PDK1: variants seen among roughly 807,000 people sequenced by gnomAD.
The protein encoded by PDK1 is [Pyruvate dehydrogenase (acetyl-transferring)] kinase isozyme 1, mitochondrial.
In PDK1, 39 loss-of-function variants were observed where a neutral mutation model predicts 54.2. The ratio of observed to expected loss-of-function variants is 0.72; its 90% CI spans 0.56 to 0.94. The LOEUF (loss-of-function observed/expected upper bound fraction) is 0.94, where lower values mean the gene tolerates loss of function less well. PDK1 is among the 40% of genes least tolerant of loss of function. PDK1 has a pLI of 0.00. For synonymous variants in PDK1, 221 were observed against 207.1 expected, an observed-to-expected ratio of 1.07 and a Z score of -0.58; for missense variants, 552 against 566.0, an observed-to-expected ratio of 0.98 and a Z score of 0.25.
the PDK1 span, among the ~76,000 whole-genome samples, chr2:172,661,803 A>G: frequency 5.3e-5 from 8 of 152,184 alleles, no homozygotes; most frequent in Non-Finnish European, 1.0e-4. Flanking sequence ...GACTATGAGA[A>G]GGGAGAGAGA....
the PDK1 span, among the ~76,000 whole-genome samples, chr2:172,646,744 T>TTTTTTTTTTTTTTTTTTTTTTTTG: frequency 7.2e-6 from 1 of 138,132 alleles, no homozygotes; most frequent in African/African-American, 2.7e-5. Context: ...CCTTTTTTTT[T>TTTTTTTTTTTTTTTTTTTTTTTTG]TTTTTTTTTT....
chr2:172,621,718 T>TATATGTTTATATCTCATATATGTC, the PDK1 span, among the ~76,000 whole-genome samples: 157 of 131,522 alleles, frequency 1.2e-3, 1 homozygote, highest in African/African-American at 3.8e-3. Flanking sequence ...TCAAACATGT[T>TATATGTTTATATCTCATATATGTC]ATATGTTTAT....
At chr2:172,708,398 A>T in the PDK1 span, among the ~76,000 whole-genome samples, 3 of 152,378 alleles carry the variant, frequency 2.0e-5, no homozygotes, top group African/African-American at 7.2e-5. Context: ...AATTGTCATA[A>T]TACTATAATT....
chr2:172,674,809 G>C, the PDK1 span: 5 of 152,286 alleles, frequency 3.3e-5, no homozygotes, highest in African/African-American at 1.2e-4. Flanking sequence ...CGGGCTGCAG[G>C]CTGCCGGGCC....
chr2:172,562,767 T>A, intron 3 of PDK1: 1 of 1,606,318 alleles, frequency 6.2e-7, no homozygotes, highest in Non-Finnish European at 8.5e-7. Context: ...TGGTTGCAGG[T>A]CTCTAGTTTA....
the PDK1 span, among the ~76,000 whole-genome samples, chr2:172,671,462 GC>G: frequency 6.8e-6 from 1 of 147,446 alleles, no homozygotes; most frequent in African/African-American, 2.4e-5. Flanking sequence ...GTAAGTTAAT[GC>G]TTTTTTTTTA....
the PDK1 span, among the ~76,000 whole-genome samples, chr2:172,713,447 C>T: frequency 6.6e-6 from 1 of 152,200 alleles, no homozygotes; most frequent in African/African-American, 2.4e-5. Context: ...CTGAGGGATG[C>T]CTCCAGGCCC....
chr2:172,716,388 G>A, the PDK1 span, among the ~76,000 whole-genome samples: 1 of 151,908 alleles, frequency 6.6e-6, no homozygotes, highest in South Asian at 2.1e-4. Flanking sequence ...AGGCTGGAGT[G>A]CAGTGGCGTA....
chr2:172,601,951 T>G lies in PDK1; in HGVS notation c.*5982T>G, dbSNP rs1254476731. ...AGTGGAGAAGAAATGGATATATTTC[T>G]AGGAAAACAGTAGAAGATCCATCTA... is the stretch of plus-strand genomic sequence containing the variant. On this transcript the variant is annotated 3_prime_UTR_variant, in exon 11 of 11. Transcript: ENST00000282077. 6.6e-6 allele frequency: 1 copy of G among 152,168 alleles called. No homozygotes were observed. Among genetic ancestry groups the G allele is most frequent in the Non-Finnish European group, 1.5e-5 (1 of 68,032 alleles). The allele number at this position is 152,168 out of a possible 1,614,324, so 9.4% of individuals were successfully genotyped here.
intron 10 of PDK1, among the ~76,000 whole-genome samples, chr2:172,594,548 C>T (rs1005660490): frequency 2.0e-5 from 3 of 152,096 alleles, no homozygotes; most frequent in African/African-American, 4.8e-5. Context: ...CATCCTGGGC[C>T]GCATGCAGCC....
the PDK1 span, chr2:172,723,652 G>A: frequency 5.3e-5 from 8 of 152,136 alleles, no homozygotes; most frequent in African/African-American, 1.9e-4. Context: ...ATTGAGTCCT[G>A]GATAACACAA....
chr2:172,639,385 G>A, the PDK1 span, among the ~76,000 whole-genome samples: 4 of 152,172 alleles, frequency 2.6e-5, no homozygotes, highest in African/African-American at 9.7e-5. Flanking sequence ...TTCTTCCTGT[G>A]AAGTTTGGGC....
intron 8 of PDK1, among the ~76,000 whole-genome samples, chr2:172,578,299 A>G (rs1200179416): frequency 1.3e-5 from 2 of 152,146 alleles, no homozygotes; most frequent in Non-Finnish European, 2.9e-5. Flanking sequence ...TTTCTTTCAC[A>G]TGCTCAAATA....
chr2:172,711,865 C>CAAAAAAAAAAAAAAA, the PDK1 span, among the ~76,000 whole-genome samples: 4 of 22,784 alleles, frequency 1.8e-4, no homozygotes, highest in East Asian at 3.7e-3. Flanking sequence ...GAACCTAGCT[C>CAAAAAAAAAAAAAAA]AAAAAAAAAA....
At chr2:172,630,005 G>A in the PDK1 span, among the ~76,000 whole-genome samples, 3 of 152,180 alleles carry the variant, frequency 2.0e-5, no homozygotes, top group Non-Finnish European at 2.9e-5. Context: ...AGGTGAGAAG[G>A]ATTGATTGAT....
chr2:172,651,647 T>G, the PDK1 span, among the ~76,000 whole-genome samples: 1 of 152,118 alleles, frequency 6.6e-6, no homozygotes, highest in Non-Finnish European at 1.5e-5. Flanking sequence ...TCACCGCTGA[T>G]CCCACAGAAA....
At chr2:172,579,909 GCTT>G (rs1315506666) in intron 8 of PDK1, among the ~76,000 whole-genome samples, 1 of 151,474 alleles carries the variant, frequency 6.6e-6, no homozygotes, top group Admixed American at 6.6e-5. Context: ...GTTTTTTATC[GCTT>G]CAACTTTTTA....
chr2:172,572,447 A>G (rs1297063227), intron 8 of PDK1, among the ~76,000 whole-genome samples: 1 of 152,184 alleles, frequency 6.6e-6, no homozygotes, highest in Admixed American at 6.5e-5. Context: ...GTACTCCGTC[A>G]GGCACAGCAG....
At chr2:172,668,935 AGAGAAAG>A in the PDK1 span, among the ~76,000 whole-genome samples, 1 of 135,998 alleles carries the variant, frequency 7.4e-6, no homozygotes, top group African/African-American at 2.6e-5. Context: ...AGAGAGAGAG[AGAGAAAG>A]AGAGAGAGAC....
Sources: allele counts gnomAD v4.1 joint callset (sites outside exome capture counted in the v4.1 genomes callset), GRCh38; gene constraint gnomAD v4.1.1; transcripts MANE v1.5; gene names NCBI Gene and HGNC (gene_info 2026-07-23, HGNC 2026-07-21).